SLC24A2: variants seen among roughly 807,000 people sequenced by gnomAD.
SLC24A2 encodes the protein sodium/potassium/calcium exchanger 2.
In SLC24A2, 36 loss-of-function variants were observed where a neutral mutation model predicts 62.0. The observed-to-expected ratio is 0.58, with a 90% CI of 0.44 to 0.77. The LOEUF is 0.77. SLC24A2 is among the 30% of genes least tolerant of loss of function. The pLI is 0.00. For missense variants in SLC24A2, 846 were observed against 817.9 expected, an observed-to-expected ratio of 1.03 and a Z score of -0.42; for synonymous variants, 358 against 294.0, an observed-to-expected ratio of 1.22 and a Z score of -2.23.
intron 2 of SLC24A2, among the ~76,000 whole-genome samples, chr9:19,631,699 T>C (rs1024000706): frequency 2.6e-5 from 4 of 152,172 alleles, no homozygotes; most frequent in Non-Finnish European, 4.4e-5. Context: ...AAACTCACCA[T>C]GAGGCACAAA....
the SLC24A2 span, among the ~76,000 whole-genome samples, chr9:20,211,195 C>T: frequency 2.6e-5 from 4 of 151,964 alleles, no homozygotes; most frequent in Non-Finnish European, 5.9e-5. Context: ...TGGAAAATAT[C>T]TGTTTGTTTT....
chr9:19,870,349 G>C, the SLC24A2 span, among the ~76,000 whole-genome samples: 1 of 152,104 alleles, frequency 6.6e-6, no homozygotes, highest in African/African-American at 2.4e-5. Flanking sequence ...TGTAACCACA[G>C]TATTCCATTC....
intron 2 of SLC24A2, among the ~76,000 whole-genome samples, chr9:19,736,920 T>C (rs1232492450): frequency 4.6e-5 from 7 of 152,216 alleles, no homozygotes; most frequent in Non-Finnish European, 1.0e-4. Flanking sequence ...CAATTTATAA[T>C]GTCTAATAAC....
chr9:19,793,040 G>A (rs1399589431), upstream of SLC24A2, among the ~76,000 whole-genome samples: 2 of 152,202 alleles, frequency 1.3e-5, no homozygotes, highest in African/African-American at 4.8e-5. Context: ...CAAAGAGTCA[G>A]TATCATGCAT....
the SLC24A2 span, among the ~76,000 whole-genome samples, chr9:20,291,614 C>T: frequency 2.0e-5 from 3 of 152,164 alleles, no homozygotes; most frequent in Non-Finnish European, 2.9e-5. Flanking sequence ...ATGATGACCC[C>T]CCACCACTTG....
At chr9:19,725,588 A>T (rs1821146338) in intron 2 of SLC24A2, among the ~76,000 whole-genome samples, 1 of 152,082 alleles carries the variant, frequency 6.6e-6, no homozygotes, top group Non-Finnish European at 1.5e-5. Flanking sequence ...ACAGCATTTT[A>T]TTTTATGTGC....
the SLC24A2 span, among the ~76,000 whole-genome samples, chr9:20,034,676 G>C: frequency 6.6e-6 from 1 of 151,968 alleles, no homozygotes; most frequent in African/African-American, 2.4e-5. Flanking sequence ...CACCGTGTTA[G>C]CCAGGATGGT....
the SLC24A2 span, among the ~76,000 whole-genome samples, chr9:20,149,436 T>A: frequency 1.3e-5 from 2 of 151,978 alleles, no homozygotes; most frequent in Admixed American, 1.3e-4. Context: ...ATTGAAATGA[T>A]CCTAATTTTC....
At chr9:20,183,362 G>C in the SLC24A2 span, among the ~76,000 whole-genome samples, 7 of 152,220 alleles carry the variant, frequency 4.6e-5, no homozygotes, top group Non-Finnish European at 1.0e-4. Context: ...TGAGTGCAGA[G>C]TGAAGCAGGA....
At chr9:19,670,698 T>A (rs370082935) in intron 2 of SLC24A2, among the ~76,000 whole-genome samples, 13 of 152,268 alleles carry the variant, frequency 8.5e-5, no homozygotes, top group African/African-American at 3.1e-4. Flanking sequence ...CCCAGGCCCA[T>A]AAATATAGGT....
At chr9:20,209,980 G>T in the SLC24A2 span, among the ~76,000 whole-genome samples, 3 of 152,314 alleles carry the variant, frequency 2.0e-5, no homozygotes, top group African/African-American at 7.2e-5. Flanking sequence ...AAAGAAAGTA[G>T]TTAGAACCTT....
In SLC24A2 at chr9:19,513,190, A is replaced by ATATATATATATG. The variant is rs1249112875; in HGVS notation, c.*2962_*2963insCATATATATATA. On this transcript the variant is annotated 3_prime_UTR_variant, in exon 11 of 11. Coordinates refer to ENST00000341998, the MANE Select transcript of SLC24A2 (RefSeq NM_020344.4). The stretch of plus-strand genomic sequence containing the variant: ...TATATATATATGTATATATATATAT[A>ATATATATATATG]TGTATATATTTATATATGTATATAC... The ATATATATATATG allele has an allele frequency of 1.4e-5, 2 of 142,356 alleles. No individual in the cohort carries two copies. The highest frequency in any genetic ancestry group is 2.2e-4 in the East Asian group (1 of 4,518). 8.8% of individuals were successfully genotyped at this position (142,356 alleles called of 1,614,324 possible). A position where few individuals can be genotyped will look rare whatever the true frequency, so the allele number is the denominator to read the frequency against.
the SLC24A2 span, among the ~76,000 whole-genome samples, chr9:19,993,282 G>C: frequency 6.6e-6 from 1 of 152,104 alleles, no homozygotes; most frequent in Non-Finnish European, 1.5e-5. Flanking sequence ...CCACATGCTA[G>C]CTTTAATAGT....
chr9:19,844,313 G>A, the SLC24A2 span, among the ~76,000 whole-genome samples: 1 of 152,116 alleles, frequency 6.6e-6, no homozygotes, highest in Non-Finnish European at 1.5e-5. Flanking sequence ...CTGCTTGGAT[G>A]TCTTCTTTTG....
In SLC24A2 at chr9:19,573,433, A is replaced by C; in HGVS notation, c.1265T>G (p.Val422Gly). ...AGCATCACTGGATGGTGTCATTTCA[A>C]CATCTGTGCTGGTGCTGTTTGGAAG... ...IELPNSTSTDVEMTPSSDASE... is the reference protein window; with the variant it reads ...IELPNSTSTDGEMTPSSDASE... The change falls in exon 7 of 11, where the codon GTT becomes GGT. Residue 422 changes from valine to glycine, a missense_variant. Val to Gly is a moderately radical substitution (Grantham distance 109). Coordinates refer to ENST00000341998, the MANE Select transcript of SLC24A2 (RefSeq NM_020344.4). The C allele has an allele frequency of 6.2e-7, 1 of 1,613,040 alleles. No individual in the cohort carries two copies. The highest frequency in any genetic ancestry group is 8.5e-7 in the Non-Finnish European group (1 of 1,179,456).
chr9:19,895,849 C>A, the SLC24A2 span: 1 of 1,609,488 alleles, frequency 6.2e-7, no homozygotes, highest in Non-Finnish European at 8.5e-7. Context: ...AGGGGTCAGG[C>A]CAGCAAAGAA....
chr9:20,246,677 C>T, the SLC24A2 span, among the ~76,000 whole-genome samples: 1 of 152,208 alleles, frequency 6.6e-6, no homozygotes, highest in Admixed American at 6.5e-5. Flanking sequence ...AGTTCAAGAT[C>T]ATGGGAAGGA....
At chr9:19,971,267 C>G in the SLC24A2 span, among the ~76,000 whole-genome samples, 1 of 152,158 alleles carries the variant, frequency 6.6e-6, no homozygotes, top group African/African-American at 2.4e-5. Context: ...AGCAAAATCT[C>G]CTAGCATGCC....
chr9:20,251,973 C>G, the SLC24A2 span, among the ~76,000 whole-genome samples: 1 of 152,222 alleles, frequency 6.6e-6, no homozygotes, highest in Non-Finnish European at 1.5e-5. Flanking sequence ...TTAAGCCAGA[C>G]TTTGCCACAT....
Sources: allele counts gnomAD v4.1 joint callset (sites outside exome capture counted in the v4.1 genomes callset), GRCh38; gene constraint gnomAD v4.1.1; transcripts MANE v1.5; gene names NCBI Gene and HGNC (gene_info 2026-07-23, HGNC 2026-07-21).